UGT1A9: variants seen among roughly 807,000 people sequenced by gnomAD.
The protein encoded by UGT1A9 is UDP glucuronosyltransferase family 1 member A9, also known as UDP-glucuronosyltransferase 1A9.
In UGT1A9, 35 loss-of-function variants were observed where a neutral mutation model predicts 45.0. The observed-to-expected ratio is 0.78, with a 90% CI of 0.59 to 1.03. UGT1A9 has a LOEUF of 1.03. UGT1A9 is among the 50% of genes least tolerant of loss of function. UGT1A9 has a pLI of 0.00. For synonymous variants in UGT1A9, 278 were observed against 250.6 expected (o/e 1.11, Z -1.03); for missense variants, 687 against 666.6 (o/e 1.03, Z -0.34).
intron 1 of UGT1A9, chr2:233,719,360 A>T: frequency 6.2e-7 from 1 of 1,613,910 alleles, no homozygotes; most frequent in Non-Finnish European, 8.5e-7. Context: ...CATGTGACTT[A>T]GACTTTAAGG....
chr2:233,773,246 T>C lies in UGT1A9; in HGVS notation c.*687T>C, dbSNP rs1484380021. 6.6e-6 allele frequency: 1 copy of C among 152,366 alleles called. No homozygotes were observed. The highest frequency in any genetic ancestry group is 6.5e-5 in the Admixed American group (1 of 15,284). The allele number at this position is 152,366 out of a possible 1,614,324, so 9.4% of individuals were successfully genotyped here. The stretch of plus-strand genomic sequence containing the variant: ...TATGAAGTGCTGGGCAAGTTTACTT[T>C]TTTTCTGATGTTTCCTACAACTAAA... On this transcript the variant is annotated 3_prime_UTR_variant, in exon 5 of 5. Coordinates refer to ENST00000354728, the MANE Select transcript of UGT1A9 (RefSeq NM_021027.3).
intron 1 of UGT1A9, among the ~76,000 whole-genome samples, chr2:233,749,246 T>C (rs765293150): frequency 2.6e-5 from 4 of 151,942 alleles, no homozygotes; most frequent in East Asian, 1.9e-4. Flanking sequence ...TCAAACCACA[T>C]GATTTTTTTA....
Position 233,761,136 on chromosome 2 carries a change from A to G in UGT1A9, c.856-5898A>G, listed in dbSNP as rs142418984. On this transcript the variant is annotated intron_variant, in intron 1 of 4. Coordinates refer to ENST00000354728, the MANE Select transcript of UGT1A9 (RefSeq NM_021027.3). ...TTGGTGGAATCAACTGCCTTCACCA[A>G]AATCCACTATCCCAGGTGTGTATTG... 13 of 1,614,222 alleles carry G rather than the reference A, an allele frequency of 8.1e-6. No individual in the cohort carries two copies. The highest frequency in any genetic ancestry group is 1.1e-5 in the Non-Finnish European group (13 of 1,180,048).
In UGT1A9 at chr2:233,724,597, G is replaced by T. The variant is rs1338204935; in HGVS notation, c.856-42437G>T. The stretch of plus-strand genomic sequence containing the variant: ...CAGAGGCGCTCCCCACATCTCAGAC[G>T]ATGGGCGGCCGGGCAGAGACGCTCC... On this transcript the variant is annotated intron_variant, in intron 1 of 4. Coordinates refer to ENST00000354728, the MANE Select transcript of UGT1A9 (RefSeq NM_021027.3). Among the ~76,000 whole-genome samples the T allele has an allele frequency of 7.7e-3, 1,007 of 130,776 alleles. 47 individuals are homozygous for T. Among genetic ancestry groups the T allele is most frequent in the African/African-American group, 0.029 (930 of 32,516 alleles). 85.8% of individuals were successfully genotyped at this position (130,776 alleles called of 152,430 possible).
chr2:233,737,383 C>T (rs1188970880), intron 1 of UGT1A9, among the ~76,000 whole-genome samples: 6 of 152,224 alleles, frequency 3.9e-5, no homozygotes, highest in Non-Finnish European at 8.8e-5. Flanking sequence ...AGAGAATCTC[C>T]TTGTCTGCCA....
intron 1 of UGT1A9, among the ~76,000 whole-genome samples, chr2:233,679,551 T>TG (rs1559337922): frequency 2.0e-5 from 3 of 152,154 alleles, no homozygotes; most frequent in Non-Finnish European, 4.4e-5. Flanking sequence ...TCATCTTTTT[T>TG]TTTGTTTGTT....
At chr2:233,684,509 G>A (rs1488139518) in intron 1 of UGT1A9, among the ~76,000 whole-genome samples, 1 of 152,120 alleles carries the variant, frequency 6.6e-6, no homozygotes, top group Admixed American at 6.5e-5. Flanking sequence ...ATTTAGAGAT[G>A]TAGAAATTAT....
At chr2:233,693,244 G>C (rs768201260) in intron 1 of UGT1A9, 2 of 1,614,170 alleles carry the variant, frequency 1.2e-6, no homozygotes, top group Non-Finnish European at 8.5e-7. Context: ...TCTATCCAGT[G>C]CCGTATGACC....
chr2:233,694,920 G>A (rs557079279), intron 1 of UGT1A9, among the ~76,000 whole-genome samples: 1 of 152,304 alleles, frequency 6.6e-6, no homozygotes, highest in South Asian at 2.1e-4. Flanking sequence ...TACAATGTGC[G>A]ATGATCAAAT....
chr2:233,761,087 C>T, intron 1 of UGT1A9: 1 of 1,614,136 alleles, frequency 6.2e-7, no homozygotes. Context: ...TACCCTAGGC[C>T]CATCATGCCC....
intron 2 of UGT1A9, among the ~76,000 whole-genome samples, chr2:233,767,609 C>G (rs1559414231): frequency 6.6e-6 from 1 of 152,118 alleles, no homozygotes; most frequent in Admixed American, 6.6e-5. Flanking sequence ...TGAAAAAATC[C>G]TAAGTGCACA....
Position 233,744,054 on chromosome 2 carries a change from T to C in UGT1A9, c.856-22980T>C, listed in dbSNP as rs150741507. ...TTATGACGCAGCCACATCTCATTGG[T>C]CGAGGCCTATGAGCGCCTCGCATCC... On this transcript the variant is annotated intron_variant, in intron 1 of 4. Transcript: ENST00000354728. The C allele has an allele frequency of 5.9e-3, 3,770 of 635,096 alleles. 152 individuals carry two copies. In the East Asian group the frequency reaches 0.082, roughly 14 times the overall value. 39.3% of individuals were successfully genotyped at this position (635,096 alleles called of 1,614,324 possible).
At chr2:233,747,969 T>G in intron 1 of UGT1A9, 1 of 1,613,504 alleles carries the variant, frequency 6.2e-7, no homozygotes. Flanking sequence ...CAGCCATGCA[T>G]CTGTGTGGCT....
Position 233,768,314 on chromosome 2 carries a change from G to GT in UGT1A9, c.1173dup (p.Gly392TrpfsTer2). 1 of 1,614,180 alleles carries GT rather than the reference G, an allele frequency of 6.2e-7. No individual in the cohort carries two copies. Among genetic ancestry groups the GT allele is most frequent in the Non-Finnish European group, 8.5e-7 (1 of 1,180,040 alleles). ...GCGTTCCCATGGTGATGATGCCCTTGTTTGGTGATCAGATGGACAATGCAA... is the reference window on the plus strand; with the variant it reads ...GCGTTCCCATGGTGATGATGCCCTTGTTTTGGTGATCAGATGGACAATGCAA... On this transcript the variant is annotated frameshift_variant, in exon 4 of 5. Transcript: ENST00000354728. LOFTEE classifies it high-confidence loss of function.
intron 1 of UGT1A9, chr2:233,713,890 T>C: frequency 1.2e-6 from 2 of 1,613,384 alleles, no homozygotes; most frequent in Non-Finnish European, 1.7e-6. Context: ...CAATCAATGT[T>C]CCAGGCAAAA....
In UGT1A9 at chr2:233,772,133, A is replaced by G. The variant is rs1203476934; in HGVS notation, c.1296-129A>G. ...GTATCTAAAAACAACAACAACAACA[A>G]TAATAGAAACAGGTTTCCTTTCCCA... On this transcript the variant is annotated intron_variant, in intron 4 of 4. Coordinates refer to ENST00000354728, the MANE Select transcript of UGT1A9 (RefSeq NM_021027.3). 1.9e-6 allele frequency: 3 copies of G among 1,545,744 alleles called. No homozygotes were observed. In the East Asian group the frequency reaches 7.3e-5, roughly 38 times the overall value.
intron 1 of UGT1A9, among the ~76,000 whole-genome samples, chr2:233,678,935 T>A (rs187063932): frequency 3.9e-5 from 6 of 152,316 alleles, no homozygotes; most frequent in Admixed American, 3.9e-4. Flanking sequence ...CTGGTCACAG[T>A]TTTCTCCAGA....
At chr2:233,713,754 T>C (rs2076343281) in intron 1 of UGT1A9, 1 of 1,613,886 alleles carries the variant, frequency 6.2e-7, no homozygotes, top group African/African-American at 1.3e-5. Context: ...TGCATCTGTG[T>C]GGCTGTTCCG....
chr2:233,694,980 T>C (rs1559347532), intron 1 of UGT1A9, among the ~76,000 whole-genome samples: 1 of 152,352 alleles, frequency 6.6e-6, no homozygotes, highest in South Asian at 2.1e-4. Flanking sequence ...CTTCCTTATG[T>C]TGGGAACATT....
Sources: gnomAD v4.1 joint callset for allele counts (sites outside exome capture counted in the v4.1 genomes callset) on GRCh38, gnomAD v4.1.1 for gene constraint, MANE v1.5 for transcripts, NCBI Gene and HGNC (gene_info 2026-07-23, HGNC 2026-07-21) for gene names.